MIS18A: variants seen among roughly 807,000 people sequenced by gnomAD.
MIS18A encodes the protein MIS18 kinetochore protein A.
In MIS18A, 14 loss-of-function variants were observed where a neutral mutation model predicts 25.0. That is an observed-to-expected ratio of 0.56 (90% CI 0.37 to 0.88). The LOEUF (loss-of-function observed/expected upper bound fraction) is 0.88. Ranked by LOEUF, MIS18A falls within the 40% of genes least tolerant of loss-of-function variation. The pLI is 0.00. For synonymous variants in MIS18A, 134 were observed against 118.6 expected (o/e 1.13, Z -0.84); for missense variants, 292 against 290.8 (o/e 1.00, Z -0.03).
downstream of MIS18A, among the ~76,000 whole-genome samples, chr21:32,265,544 C>T (rs999887994): frequency 1.3e-5 from 2 of 152,252 alleles, no homozygotes; most frequent in African/African-American, 2.4e-5. Flanking sequence ...CTGGATTTCT[C>T]GCCAGGCCTT....
the MIS18A span, among the ~76,000 whole-genome samples, chr21:32,248,213 C>T: frequency 7.9e-5 from 12 of 152,132 alleles, no homozygotes. Flanking sequence ...TACTTGCAAC[C>T]CAAAAGACTT....
chr21:32,183,860 A>C, the MIS18A span, among the ~76,000 whole-genome samples: 4 of 152,226 alleles, frequency 2.6e-5, no homozygotes, highest in Admixed American at 2.6e-4. Context: ...GAGAAAGTGC[A>C]CCACACCTGA....
At position 32,278,932 on chromosome 21, in the gene MIS18A, G is replaced by A. The variant is rs1307058491; in HGVS notation, c.83C>T (p.Ser28Phe). The change falls in exon 1 of 5, where the codon TCC becomes TTC. Residue 28 changes from serine (S) to phenylalanine (F), a missense_variant. Physicochemically the swap from Ser to Phe is radical, Grantham distance 155. Transcript: ENST00000290130. ...ECGDKGKCSD[S>F]SLLGKRLSED... ...GGAGAGTCTCTTGCCCAACAGCGAGGAGTCGCTGCATTTGCCCTTGTCGCC... is the reference window on the plus strand; with the variant it reads ...GGAGAGTCTCTTGCCCAACAGCGAGAAGTCGCTGCATTTGCCCTTGTCGCC... 2 of 1,613,510 alleles carry A rather than the reference G, an allele frequency of 1.2e-6. No individual in the cohort carries two copies. The highest frequency in any genetic ancestry group is 2.2e-5 in the East Asian group (1 of 44,860).
the MIS18A span, among the ~76,000 whole-genome samples, chr21:32,198,229 G>T: frequency 6.6e-6 from 1 of 152,206 alleles, no homozygotes; most frequent in Non-Finnish European, 1.5e-5. Context: ...GGCCTGGGAA[G>T]GGGCAGTTTT....
chr21:32,177,016 T>A, the MIS18A span, among the ~76,000 whole-genome samples: 3 of 152,098 alleles, frequency 2.0e-5, no homozygotes, highest in Non-Finnish European at 4.4e-5. Flanking sequence ...AAAAAAAATT[T>A]CAGGAAAATC....
chr21:32,160,292 ACACACACACAC>A, the MIS18A span, among the ~76,000 whole-genome samples: 1 of 29,764 alleles, frequency 3.4e-5, no homozygotes, highest in African/African-American at 4.5e-4. Context: ...TGCAACACAC[ACACACACACAC>A]ACACACACAC....
the MIS18A span, among the ~76,000 whole-genome samples, chr21:32,204,447 A>C: frequency 6.6e-6 from 1 of 152,104 alleles, no homozygotes; most frequent in Admixed American, 6.5e-5. Flanking sequence ...CAGTGAGCCA[A>C]GATCCCGCCA....
the MIS18A span, among the ~76,000 whole-genome samples, chr21:32,183,685 C>T: frequency 6.6e-6 from 1 of 152,178 alleles, no homozygotes; most frequent in African/African-American, 2.4e-5. Context: ...GCTGACACAC[C>T]TTGTTTCAGA....
chr21:32,269,642 G>T, intron 4 of MIS18A, 65 bp downstream of exon 4: 1 of 913,520 alleles, frequency 1.1e-6, no homozygotes. Context: ...TATCGTTTGT[G>T]GGGGAGCACT....
At chr21:32,249,702 A>T in the MIS18A span, among the ~76,000 whole-genome samples, 201 of 152,210 alleles carry the variant, frequency 1.3e-3, 1 homozygote, top group African/African-American at 4.7e-3. Flanking sequence ...GCTTCCACAC[A>T]TAGGGGAAGG....
chr21:32,179,076 A>G, the MIS18A span, among the ~76,000 whole-genome samples: 2 of 151,118 alleles, frequency 1.3e-5, no homozygotes, highest in Non-Finnish European at 2.9e-5. Flanking sequence ...CCTTAGTTTT[A>G]TTTTCAATAC....
At chr21:32,216,101 C>A in the MIS18A span, among the ~76,000 whole-genome samples, 1 of 152,122 alleles carries the variant, frequency 6.6e-6, no homozygotes, top group Non-Finnish European at 1.5e-5. Flanking sequence ...TCAAATTTTT[C>A]AGAAATTTAG....
chr21:32,264,709 C>A (rs2031561565), downstream of MIS18A, among the ~76,000 whole-genome samples: 1 of 152,152 alleles, frequency 6.6e-6, no homozygotes. Context: ...TTGCTCATGG[C>A]TCCTTGGTTT....
At chr21:32,237,536 T>C in the MIS18A span, among the ~76,000 whole-genome samples, 1 of 152,240 alleles carries the variant, frequency 6.6e-6, no homozygotes, top group African/African-American at 2.4e-5. Context: ...CATTTAAGCT[T>C]CATTTGGAGT....
the MIS18A span, among the ~76,000 whole-genome samples, chr21:32,250,774 G>A: frequency 0.082 from 12,509 of 152,234 alleles, 583 homozygotes; most frequent in Middle Eastern, 0.16. Flanking sequence ...CAATAGAATC[G>A]TGAGCCCTGG....
chr21:32,187,789 C>A, the MIS18A span, among the ~76,000 whole-genome samples: 3 of 152,250 alleles, frequency 2.0e-5, no homozygotes, highest in Admixed American at 2.0e-4. Context: ...TATAAAGGAT[C>A]TGAGGTTTTA....
chr21:32,274,992 G>A, intron 1 of MIS18A, 96 bp from the exon 2 acceptor site: 1 of 1,033,062 alleles, frequency 9.7e-7, no homozygotes, highest in African/African-American at 1.6e-5. Context: ...AGAACTCGGA[G>A]GACAAAAAAT....
chr21:32,209,656 CAT>C, the MIS18A span, among the ~76,000 whole-genome samples: 1 of 152,142 alleles, frequency 6.6e-6, no homozygotes, highest in Non-Finnish European at 1.5e-5. Flanking sequence ...CCATAATCCT[CAT>C]GTGTGATGGG....
At chr21:32,178,135 A>G in the MIS18A span, among the ~76,000 whole-genome samples, 89,973 of 151,714 alleles carry the variant, frequency 0.59, 27,482 homozygotes, top group African/African-American at 0.74. Context: ...GCCCAGGCTG[A>G]TCTCAAACTC....
Sources: gnomAD v4.1 joint callset for allele counts (sites outside exome capture counted in the v4.1 genomes callset) on GRCh38, gnomAD v4.1.1 for gene constraint, MANE v1.5 for transcripts, NCBI Gene and HGNC (gene_info 2026-07-23, HGNC 2026-07-21) for gene names.